ABCA8: variants seen among roughly 807,000 people sequenced by gnomAD.
The protein encoded by ABCA8 is ABC-type organic anion transporter ABCA8.
Under a neutral mutation model 192.3 loss-of-function variants are expected in ABCA8, and 177 were observed. That is an observed-to-expected ratio of 0.92 (90% CI 0.81 to 1.04). The LOEUF (loss-of-function observed/expected upper bound fraction) is 1.04. Ranked by LOEUF, ABCA8 falls within the 50% of genes least tolerant of loss-of-function variation. The pLI is 0.00. For synonymous variants in ABCA8, 642 were observed against 690.2 expected, an observed-to-expected ratio of 0.93 and a Z score of 1.09; for missense variants, 1,915 against 1,904.8, an observed-to-expected ratio of 1.01 and a Z score of -0.10.
intron 1 of ABCA8, among the ~76,000 whole-genome samples, chr17:68,952,745 A>C (rs2068604246): frequency 6.6e-6 from 1 of 152,170 alleles, no homozygotes; most frequent in Admixed American, 6.5e-5. Flanking sequence ...TTGCTTACAG[A>C]GAGTGGCATT....
rs1567858397 is a variant in ABCA8, at chr17:68,917,400, AAAG to A, written c.2096_2098del (p.Ser699del). On this transcript the variant is annotated inframe_deletion, in exon 17 of 40. Transcript: ENST00000586539. Reference sequence around the variant, plus strand: ...AATCCCCCATTTCTTCTTTAGAAACAAAGAAGAGCCCGCGCACTTTAGCTTCCC... The same window carrying A: ...AATCCCCCATTTCTTCTTTAGAAACAAAGAGCCCGCGCACTTTAGCTTCCC... The A allele has an allele frequency of 1.1e-5, 18 of 1,612,738 alleles. No homozygotes were observed. The highest frequency in any genetic ancestry group is 2.2e-5 in the East Asian group (1 of 44,844).
chr17:68,920,624 A>G (rs1283479009), intron 13 of ABCA8, among the ~76,000 whole-genome samples: 1 of 152,184 alleles, frequency 6.6e-6, no homozygotes. Flanking sequence ...TGTGTTTGTG[A>G]TTAACACTTG....
At chr17:68,901,451 T>C (rs1349809646) in intron 21 of ABCA8, among the ~76,000 whole-genome samples, 1 of 152,104 alleles carries the variant, frequency 6.6e-6, no homozygotes, top group African/African-American at 2.4e-5. Flanking sequence ...CGATGATGCA[T>C]GTAATAGAAA....
intron 2 of ABCA8, chr17:68,944,402 C>T (rs2068338738): frequency 7.4e-6 from 1 of 135,550 alleles, no homozygotes; most frequent in Non-Finnish European, 1.6e-5. Flanking sequence ...TGAAAGACCC[C>T]CAGTAGCTCA....
rs764177161 is a variant in ABCA8, at chr17:68,868,176, A to G, written c.4775T>C (p.Leu1592Pro). 5 of 1,612,992 alleles carry G rather than the reference A, an allele frequency of 3.1e-6. No homozygotes were observed. The highest frequency in any genetic ancestry group is 2.2e-5 in the South Asian group (2 of 90,958). ...CAGCTCCTGCTCCTTGGAGAGCTCC[A>G]GGAAAACCTGAAAGGGAGGAAGGAA... is the stretch of plus-strand genomic sequence containing the variant. The part of the protein sequence containing the change: ...LSQSTLEQVF[L>P]ELSKEQELGD... Residue 1592 changes from leucine to proline, a missense_variant, in exon 40 of 40, where the codon CTG becomes CCG. Leu to Pro is a moderately conservative substitution (Grantham distance 98, BLOSUM62 -3). Coordinates refer to ENST00000586539, the MANE Select transcript of ABCA8 (RefSeq NM_001288985.2).
chr17:68,903,427 A>G lies in ABCA8; in HGVS notation c.2471T>C (p.Val824Ala), dbSNP rs541423675. The change falls in exon 20 of 40, where the codon GTC (valine) becomes GCC (alanine). Residue 824 changes from valine to alanine, a missense_variant. By Grantham distance (64) the Val-to-Ala change is moderately conservative (BLOSUM62 0). Transcript: ENST00000586539. ...DTERLVEMEQ[V>A]LSSLNKMRKT... ...TCTCATCTTGTTAAGTGAAGAGAGG[A>G]CTTGTTCCATCTCAACAAGCCTTTC... 6.2e-7 allele frequency: 1 copy of G among 1,614,138 alleles called. No individual in the cohort carries two copies. The highest frequency in any genetic ancestry group is 1.1e-5 in the South Asian group (1 of 91,082).
chr17:68,946,329 G>C (rs1426261148), intron 2 of ABCA8, among the ~76,000 whole-genome samples: 2 of 152,084 alleles, frequency 1.3e-5, no homozygotes, highest in Non-Finnish European at 2.9e-5. Flanking sequence ...GCCTCCCAAA[G>C]TGCTGGGATT....
At chr17:68,887,944 T>TGGA (rs1491189377) in intron 24 of ABCA8, among the ~76,000 whole-genome samples, 8 of 70,996 alleles carry the variant, frequency 1.1e-4, no homozygotes, top group East Asian at 5.9e-4. Context: ...GATATATATA[T>TGGA]TATATATATG....
At chr17:68,889,905 A>G (rs1422129954) in intron 24 of ABCA8, among the ~76,000 whole-genome samples, 1 of 152,184 alleles carries the variant, frequency 6.6e-6, no homozygotes, top group Admixed American at 6.5e-5. Context: ...ACTGCTGAAT[A>G]GTATTCCATT....
In ABCA8 at chr17:68,902,814, T is replaced by C. The variant is rs775181727; in HGVS notation, c.2663A>G (p.Gln888Arg). ...LVEYTMVKIY[Q>R]NSYTWELSPH... ...AGAAAGTTCCCAGGTGTAACTGTTTTGATATATTTTCACCATGGTATACTC... is the reference window on the plus strand; with the variant it reads ...AGAAAGTTCCCAGGTGTAACTGTTTCGATATATTTTCACCATGGTATACTC... The change falls in exon 21 of 40, where the codon CAA (glutamine) becomes CGA (arginine). Residue 888 changes from glutamine to arginine, a missense_variant. Coordinates refer to ENST00000586539, the MANE Select transcript of ABCA8 (RefSeq NM_001288985.2). The C allele has an allele frequency of 6.2e-7, 1 of 1,613,800 alleles. No homozygotes were observed. The highest frequency in any genetic ancestry group is 1.1e-5 in the South Asian group (1 of 91,070).
chr17:68,939,448 G>A lies in ABCA8; in HGVS notation c.301+1310C>T, dbSNP rs559266484. On this transcript the variant is annotated intron_variant, in intron 4 of 39. Transcript: ENST00000586539. ...CCCCTATCCAAAGAGATTAGTTCTCGGTGAACCAAGATCAACACTAACCCA... is the reference window on the plus strand; with the variant it reads ...CCCCTATCCAAAGAGATTAGTTCTCAGTGAACCAAGATCAACACTAACCCA... Among the ~76,000 whole-genome samples the A allele has an allele frequency of 9.7e-4, 146 of 151,134 alleles. 1 individual carries two copies. Among genetic ancestry groups the A allele is most frequent in the South Asian group, 7.4e-3 (35 of 4,744 alleles).
chr17:68,952,651 G>A (rs968496014), intron 1 of ABCA8, among the ~76,000 whole-genome samples: 13 of 152,136 alleles, frequency 8.5e-5, no homozygotes, highest in Admixed American at 3.3e-4. Flanking sequence ...TTGCATTGGC[G>A]GCAGCTGCTT....
chr17:68,879,609 G>C (rs1447300521), intron 32 of ABCA8: 2 of 152,662 alleles, frequency 1.3e-5, no homozygotes, highest in Non-Finnish European at 2.9e-5. Flanking sequence ...GTGTGACTGG[G>C]GCTGTGTACT....
rs565167080 is a variant in ABCA8 at position 68,880,510 on chromosome 17, C to T, written c.4038+610G>A. On this transcript the variant is annotated intron_variant, in intron 32 of 39. Transcript: ENST00000586539. ...GAAGCAGAGAAGAGCTGCAGCCCTTCGGGGATCCCAGACTTAGGGGATCCC... is the reference window on the plus strand; with the variant it reads ...GAAGCAGAGAAGAGCTGCAGCCCTTTGGGGATCCCAGACTTAGGGGATCCC... 3.5e-4 allele frequency among the ~76,000 whole-genome samples: 54 copies of T among 152,268 alleles called. 1 individual carries two copies. The highest frequency in any genetic ancestry group is 1.2e-3 in the South Asian group (6 of 4,818).
chr17:68,904,159 G>C (rs953450709), intron 19 of ABCA8, among the ~76,000 whole-genome samples: 1 of 151,970 alleles, frequency 6.6e-6, no homozygotes, highest in African/African-American at 2.4e-5. Flanking sequence ...GTGGGCACCT[G>C]TAGTCGCAGC....
At position 68,884,337 on chromosome 17, in the gene ABCA8, G is replaced by A. The variant is rs2066406988; in HGVS notation, c.3609C>T (p.Phe1203=). Residue 1203 remains phenylalanine, a synonymous_variant, in exon 28 of 40, where the codon TTC becomes TTT. Transcript: ENST00000586539. ...AAGAACAGTGTGTTCTTACAATTAG[G>A]AATACCAGAAATGGCTGTACATCCA... The part of the protein sequence containing the change: ...ERMDVQPFLV[F]LIPFLHFIIF... The A allele has an allele frequency of 6.3e-7, 1 of 1,581,000 alleles. No homozygotes were observed. The highest frequency in any genetic ancestry group is 1.2e-5 in the South Asian group (1 of 83,690).
At chr17:68,882,122 T>C in intron 30 of ABCA8, 142 bp from the exon 31 acceptor site, 1 of 708,060 alleles carries the variant, frequency 1.4e-6, no homozygotes, top group Non-Finnish European at 2.4e-6. Context: ...ACATGCTCCT[T>C]GGCCATGCCC....
In ABCA8 at chr17:68,929,154, A is replaced by G. The variant is rs766017977; in HGVS notation, c.1020T>C (p.Phe340=). 1.2e-6 allele frequency: 2 copies of G among 1,612,026 alleles called. No homozygotes were observed. Among genetic ancestry groups the G allele is most frequent in the Admixed American group, 3.3e-5 (2 of 59,938 alleles). The change falls in exon 9 of 40, where the codon TTT becomes TTC. Residue 340 remains phenylalanine (F), a synonymous_variant. Coordinates refer to ENST00000586539, the MANE Select transcript of ABCA8 (RefSeq NM_001288985.2). ...GTGATGTGAACCCCAGACACCCCCAAAAGACAGTGAGGAGGAACACGACCA... is the reference window on the plus strand; with the variant it reads ...GTGATGTGAACCCCAGACACCCCCAGAAGACAGTGAGGAGGAACACGACCA... ...TGLVVFLLTV[F]WGCLGFTSLY... is the part of the protein sequence containing the mutation.
rs555053468 is a variant in ABCA8, at chr17:68,949,304, T to G, written c.-6+8A>C. 2.0e-5 allele frequency: 3 copies of G among 152,266 alleles called. No homozygotes were observed. Among genetic ancestry groups the G allele is most frequent in the African/African-American group, 7.2e-5 (3 of 41,566 alleles). 9.4% of individuals were successfully genotyped at this position (152,266 alleles called of 1,614,324 possible). ...GTTCTGAGATTGAAGGAGTAATTAA[T>G]AGCTTACCAATCAAAAAAAGCCCAG... On this transcript the variant is annotated splice_region_variant and intron_variant, in intron 2 of 39. Coordinates refer to ENST00000586539, the MANE Select transcript of ABCA8 (RefSeq NM_001288985.2).
Sources: allele counts gnomAD v4.1 joint callset (sites outside exome capture counted in the v4.1 genomes callset), GRCh38; gene constraint gnomAD v4.1.1; transcripts MANE v1.5; gene names NCBI Gene and HGNC (gene_info 2026-07-23, HGNC 2026-07-21).